GRM6: variants seen among roughly 807,000 people sequenced by gnomAD.
The protein encoded by GRM6 is metabotropic glutamate receptor 6.
A neutral mutation model predicts 78.4 loss-of-function variants in GRM6; 73 were observed. That is an observed-to-expected ratio of 0.93 (90% CI 0.77 to 1.13). The LOEUF is 1.13. GRM6 is among the 50% of genes most tolerant of loss of function. The pLI, the probability that GRM6 is intolerant of heterozygous loss-of-function variation, is 0.00. For missense variants in GRM6, 1,251 were observed against 1,256.4 expected, an observed-to-expected ratio of 1.00 and a Z score of 0.07; for synonymous variants, 580 against 555.0, an observed-to-expected ratio of 1.05 and a Z score of -0.63.
chr5:178,984,383 G>A (rs1170578140), intron 9 of GRM6, among the ~76,000 whole-genome samples: 1 of 152,208 alleles, frequency 6.6e-6, no homozygotes, highest in Non-Finnish European at 1.5e-5. Flanking sequence ...CCCCATGGCC[G>A]GCGCACTGGT....
At chr5:178,982,090 C>T (rs984692161) in intron 10 of GRM6, among the ~76,000 whole-genome samples, 7 of 152,178 alleles carry the variant, frequency 4.6e-5, no homozygotes, top group African/African-American at 1.7e-4. Context: ...AACAGAGAGA[C>T]ACCTGGGGAA....
Position 178,986,974 on chromosome 5 carries a change from C to A in GRM6, c.1364G>T (p.Gly455Val). The change falls in exon 8 of 11, where the codon GGA becomes GTA. Residue 455 changes from glycine (G) to valine (V), a missense_variant. Coordinates refer to ENST00000517717, the MANE Select transcript of GRM6 (RefSeq NM_000843.4). ...IRAVRFNGSA[G>V]TPVMFNENGD... is the part of the protein sequence containing the mutation. Reference sequence around the variant, plus strand: ...GTTCTCGTTGAACATCACAGGGGTTCCTGCGCTGCCTGGAGAGAGAGTCCG... The same window carrying A: ...GTTCTCGTTGAACATCACAGGGGTTACTGCGCTGCCTGGAGAGAGAGTCCG... The A allele has an allele frequency of 2.5e-6, 4 of 1,613,642 alleles. No individual in the cohort carries two copies. In the South Asian group the frequency reaches 4.4e-5, roughly 18 times the overall value.
intron 5 of GRM6, chr5:178,989,658 G>C (rs1196742411): frequency 1.7e-6 from 1 of 581,894 alleles, no homozygotes; most frequent in African/African-American, 1.9e-5. Flanking sequence ...GAGCCAACTG[G>C]AGGTTCCAGG....
intron 9 of GRM6, 34 bp from the exon 10 acceptor site, chr5:178,983,255 T>C: frequency 6.3e-7 from 1 of 1,578,400 alleles, no homozygotes; most frequent in Non-Finnish European, 8.7e-7. Context: ...GACACAGCAC[T>C]TTCCAGGGAC....
In GRM6 at chr5:178,992,219, G is replaced by C; in HGVS notation, c.505-136C>G. 1 of 717,386 alleles carries C rather than the reference G, an allele frequency of 1.4e-6. No homozygotes were observed. Among genetic ancestry groups the C allele is most frequent in the Non-Finnish European group, 2.5e-6 (1 of 400,840 alleles). 44.4% of individuals were successfully genotyped at this position (717,386 alleles called of 1,614,324 possible). ...CCTGGGACACAGATGGGAGATGGAA[G>C]GGTTGGGGTGGGGACCTGGGGCCAG... On this transcript the variant is annotated intron_variant, in intron 2 of 10. Coordinates refer to ENST00000517717, the MANE Select transcript of GRM6 (RefSeq NM_000843.4). The surrounding 1 kb of genome is among the most constrained non-coding windows in gnomAD (Gnocchi z 4.9).
At position 178,991,838 on chromosome 5, in the gene GRM6, TC is replaced by T. The variant is rs757524945; in HGVS notation, c.721+28del. The stretch of plus-strand genomic sequence containing the variant: ...GGCCCCGGGCCCACACTATGTAGAC[TC>T]CTTGGTGCCTCGGAGCCCCCAGCTC... On this transcript the variant is annotated intron_variant, in intron 3 of 10. Transcript: ENST00000517717. This position sits in a 1 kb window ranked among gnomAD's most constrained non-coding sequence, Gnocchi z 5.0. 151 of 1,582,856 alleles carry T rather than the reference TC, an allele frequency of 9.5e-5. No individual in the cohort carries two copies. Among genetic ancestry groups the T allele is most frequent in the Non-Finnish European group, 1.3e-4 (147 of 1,152,872 alleles).
intron 7 of GRM6, 152 bp from the exon 8 acceptor site, chr5:178,987,135 C>T (rs1760583584): frequency 3.8e-6 from 3 of 796,294 alleles, no homozygotes; most frequent in Non-Finnish European, 6.3e-6. Flanking sequence ...GGAGATCCCC[C>T]TTCACCCATT....
In GRM6 at chr5:178,986,587, T is replaced by C. The variant is rs1379523864; in HGVS notation, c.1667A>G (p.Glu556Gly). 3.1e-6 allele frequency: 5 copies of C among 1,606,322 alleles called. No individual in the cohort carries two copies. The highest frequency in any genetic ancestry group is 2.2e-5 in the South Asian group (2 of 91,092). ...GGGCCTCATGTCCCCAGGACAGGCC[T>C]CGCATGTGAACTCGTCCACCTGGAA... ...YRFQVDEFTC[E>G]ACPGDMRPTP... Residue 556 changes from glutamate (E) to glycine (G), a missense_variant, in exon 9 of 11, where the codon GAG becomes GGG. Coordinates refer to ENST00000517717, the MANE Select transcript of GRM6 (RefSeq NM_000843.4).
chr5:178,988,841 C>G lies in GRM6; in HGVS notation c.1354+94G>C. 2 of 1,028,036 alleles carry G rather than the reference C, an allele frequency of 1.9e-6. No individual in the cohort carries two copies. Among genetic ancestry groups the G allele is most frequent in the Non-Finnish European group, 1.5e-6 (1 of 674,534 alleles). The allele number at this position is 1,028,036 out of a possible 1,614,324, so 63.7% of individuals were successfully genotyped here. A position where few individuals can be genotyped will look rare whatever the true frequency, so the allele number is the denominator to read the frequency against. ...CCCCATTAGACCACTCAGCCTCACC[C>G]AGCCCTTCCACCCTGAGGTTGTCCC... On this transcript the variant is annotated intron_variant, in intron 7 of 10. Transcript: ENST00000517717. This position sits in a 1 kb window ranked among gnomAD's most constrained non-coding sequence, Gnocchi z 6.0.
At chr5:178,982,805 G>A (rs1581891390) in intron 10 of GRM6, 105 bp downstream of exon 10, 2 of 805,140 alleles carry the variant, frequency 2.5e-6, no homozygotes, top group East Asian at 2.6e-5. Flanking sequence ...CAAGCAGCCA[G>A]ATACGGGATA....
Position 178,986,199 on chromosome 5 carries a change from C to T in GRM6, c.2055G>A (p.Ser685=), listed in dbSNP as rs536003655. 21 of 1,614,040 alleles carry T rather than the reference C, an allele frequency of 1.3e-5. No individual in the cohort carries two copies. The highest frequency in any genetic ancestry group is 2.7e-5 in the African/African-American group (2 of 75,034). The change falls in exon 9 of 11, where the codon TCG becomes TCA. Residue 685 remains serine, a synonymous_variant. Coordinates refer to ENST00000517717, the MANE Select transcript of GRM6 (RefSeq NM_000843.4). ...IYRIFEQGKR[S]VTPPPFISPT... ...GGCTGATGAAGGGAGGGGGTGTGAC[C>T]GAGCGCTTGCCCTGCTCAAAGATGC...
At position 178,994,423 on chromosome 5, in the gene GRM6, C is replaced by T. The variant is rs1299442483; in HGVS notation, c.504+18G>A. 1.3e-6 allele frequency: 2 copies of T among 1,487,880 alleles called. No homozygotes were observed. The highest frequency in any genetic ancestry group is 1.8e-6 in the Non-Finnish European group (2 of 1,124,546). 92.2% of individuals were successfully genotyped at this position (1,487,880 alleles called of 1,614,324 possible). On this transcript the variant is annotated intron_variant, in intron 2 of 10. Coordinates refer to ENST00000517717, the MANE Select transcript of GRM6 (RefSeq NM_000843.4). ...GGAGAGGGACGCTGGACACCGAGCC[C>T]GGCCCCGCGGCCCTCACCGCAAACA...
Position 178,991,761 on chromosome 5 carries a change from C to T in GRM6, c.721+106G>A. 5.1e-6 allele frequency: 6 copies of T among 1,166,794 alleles called. No individual in the cohort carries two copies. Among genetic ancestry groups the T allele is most frequent in the African/African-American group, 4.5e-5 (3 of 66,164 alleles). 72.3% of individuals were successfully genotyped at this position (1,166,794 alleles called of 1,614,324 possible). ...ACATGGAGCACCAGCCAGGCAACCT[C>T]GGCCCAGCATGGACCTGGGCCCCCC... On this transcript the variant is annotated intron_variant, in intron 3 of 10. Transcript: ENST00000517717. This position sits in a 1 kb window ranked among gnomAD's most constrained non-coding sequence, Gnocchi z 5.0.
At chr5:178,993,532 G>A (rs1020876553) in intron 2 of GRM6, among the ~76,000 whole-genome samples, 1 of 152,136 alleles carries the variant, frequency 6.6e-6, no homozygotes, top group African/African-American at 2.4e-5. Flanking sequence ...CAGACGCTGC[G>A]CCCGGGAGTC....
chr5:178,986,442 C>T lies in GRM6; in HGVS notation c.1812G>A (p.Val604=). 1 of 1,613,246 alleles carries T rather than the reference C, an allele frequency of 6.2e-7. No individual in the cohort carries two copies. The highest frequency in any genetic ancestry group is 8.5e-7 in the Non-Finnish European group (1 of 1,179,910). The change falls in exon 9 of 11, where the codon GTG becomes GTA. Residue 604 remains valine (V), a synonymous_variant. Coordinates refer to ENST00000517717, the MANE Select transcript of GRM6 (RefSeq NM_000843.4). ...VLGIVATTTV[V]ATFVRYNNTP... The stretch of plus-strand genomic sequence containing the variant: ...TGTTGTTGTACCGCACGAAGGTGGC[C>T]ACCACCGTGGTAGTGGCCACGATGC...
At chr5:178,989,450 G>A (rs766804698) in intron 5 of GRM6, 45 bp from the exon 6 acceptor site, 34 of 1,612,376 alleles carry the variant, frequency 2.1e-5, no homozygotes, top group Non-Finnish European at 2.9e-5. Context: ...ACCTGAGCCA[G>A]CTGTGTTTCT....
At chr5:178,986,094 C>A (rs1247728031) in intron 9 of GRM6, 36 bp downstream of exon 9, 1 of 1,594,344 alleles carries the variant, frequency 6.3e-7, no homozygotes, top group South Asian at 1.1e-5. Flanking sequence ...GACAGTCCCC[C>A]TCCCTGCCCT....
chr5:178,987,424 G>T (rs1466824725), intron 7 of GRM6: 1 of 458,780 alleles, frequency 2.2e-6, no homozygotes, highest in Middle Eastern at 3.2e-4. Flanking sequence ...TCCACTGACA[G>T]AAGAATGGAC....
intron 7 of GRM6, 159 bp from the exon 8 acceptor site, chr5:178,987,142 C>T: frequency 1.3e-6 from 1 of 769,194 alleles, no homozygotes; most frequent in Admixed American, 2.0e-5. Flanking sequence ...CCCCTTCACC[C>T]ATTGGGATGG....
Sources: gnomAD v4.1 joint callset for allele counts (sites outside exome capture counted in the v4.1 genomes callset) on GRCh38, gnomAD v4.1.1 for gene constraint, Gnocchi (gnomAD v3.1) non-coding constraint, MANE v1.5 for transcripts, NCBI Gene and HGNC (gene_info 2026-07-23, HGNC 2026-07-21) for gene names.